CYP46A1: variants seen among roughly 807,000 people sequenced by gnomAD.
The protein encoded by CYP46A1 is cytochrome P450 family 46 subfamily A member 1, also known as cholesterol 24-hydroxylase.
Under a neutral mutation model 63.3 loss-of-function variants are expected in CYP46A1, and 20 were observed. The observed-to-expected ratio is 0.32, with a 90% CI of 0.22 to 0.46. The LOEUF (loss-of-function observed/expected upper bound fraction) is 0.46. CYP46A1 is among the 20% of genes least tolerant of loss of function. The pLI, the probability that CYP46A1 is intolerant of heterozygous loss-of-function variation, is 1.00. For synonymous variants in CYP46A1, 268 were observed against 273.6 expected, an observed-to-expected ratio of 0.98 and a Z score of 0.20; for missense variants, 445 against 670.8, an observed-to-expected ratio of 0.66 and a Z score of 3.72.
chr14:99,718,043 C>T lies in CYP46A1; in HGVS notation c.908-11C>T. 6.2e-7 allele frequency: 1 copy of T among 1,612,394 alleles called. No individual in the cohort carries two copies. Among genetic ancestry groups the T allele is most frequent in the Non-Finnish European group, 8.5e-7 (1 of 1,178,562 alleles). ...CCCATGTGGAGCAACCACCGTCCTCCCTTCCCACAGGTCACGAGACCTCTG... is the reference window on the plus strand; with the variant it reads ...CCCATGTGGAGCAACCACCGTCCTCTCTTCCCACAGGTCACGAGACCTCTG... On this transcript the variant is annotated splice_polypyrimidine_tract_variant and intron_variant, in intron 9 of 14. Transcript: ENST00000261835.
intron 9 of CYP46A1, among the ~76,000 whole-genome samples, chr14:99,716,609 C>A (rs1017049795): frequency 6.6e-6 from 1 of 152,254 alleles, no homozygotes; most frequent in African/African-American, 2.4e-5. Flanking sequence ...TGAGCCCTCG[C>A]ATGCCTCCTC....
intron 7 of CYP46A1, chr14:99,708,665 G>A (rs763736233): frequency 1.3e-5 from 2 of 155,222 alleles, no homozygotes; most frequent in Non-Finnish European, 2.9e-5. Context: ...ACTGTTGCCT[G>A]CACCCAAGCA....
At chr14:99,718,183 G>A in intron 10 of CYP46A1, 57 bp downstream of exon 10, 1 of 1,485,502 alleles carries the variant, frequency 6.7e-7, no homozygotes, top group Admixed American at 1.7e-5. Context: ...TTGTTCCTGA[G>A]GGCCACCTGC....
chr14:99,721,436 C>A (rs868743794), intron 11 of CYP46A1, 113 bp downstream of exon 11: 7 of 755,704 alleles, frequency 9.3e-6, no homozygotes, highest in Middle Eastern at 2.5e-4. Context: ...TGCATAGGGT[C>A]CTCCCCCGGA....
chr14:99,700,937 A>T (rs1447802106), intron 5 of CYP46A1, among the ~76,000 whole-genome samples: 1 of 152,194 alleles, frequency 6.6e-6, no homozygotes, highest in African/African-American at 2.4e-5. Flanking sequence ...GAAGGCAGTG[A>T]TATTGATGAT....
chr14:99,725,326 A>C lies in CYP46A1; in HGVS notation c.1177-65A>C. 1 of 1,352,584 alleles carries C rather than the reference A, an allele frequency of 7.4e-7. No individual in the cohort carries two copies. The highest frequency in any genetic ancestry group is 1.1e-6 in the Non-Finnish European group (1 of 944,688). The allele number at this position is 1,352,584 out of a possible 1,614,324, so 83.8% of individuals were successfully genotyped here. A position where few individuals can be genotyped will look rare whatever the true frequency, so the allele number is the denominator to read the frequency against. On this transcript the variant is annotated intron_variant, in intron 12 of 14. Transcript: ENST00000261835. This position sits in a 1 kb window ranked among gnomAD's most constrained non-coding sequence, Gnocchi z 4.2. ...CTGAGTAGCCCTGTTGGGTGGCCTC[A>C]GTGGCTCAAGAGGTGCCAGGGGAAC...
intron 3 of CYP46A1, among the ~76,000 whole-genome samples, chr14:99,693,947 T>C (rs2056564422): frequency 6.6e-6 from 1 of 152,176 alleles, no homozygotes; most frequent in Non-Finnish European, 1.5e-5. Context: ...TCATCTTCCC[T>C]AACTGAAACT....
At position 99,700,216 on chromosome 14, in the gene CYP46A1, G is replaced by A. The variant is rs542723394; in HGVS notation, c.443+115G>A. On this transcript the variant is annotated intron_variant, in intron 5 of 14. Transcript: ENST00000261835. ...CCACCCAAGGGGGCCTCCCTCAGCT[G>A]AAGGGAGAGAGGAAAAAGGGGAAAG... 127 of 616,512 alleles carry A rather than the reference G, an allele frequency of 2.1e-4. 2 individuals carry two copies. The highest frequency in any genetic ancestry group is 1.8e-3 in the South Asian group (75 of 41,118). The allele number at this position is 616,512 out of a possible 1,614,324, so 38.2% of individuals were successfully genotyped here.
intron 5 of CYP46A1, chr14:99,706,322 G>C (rs1224743278): frequency 4.2e-6 from 1 of 236,896 alleles, no homozygotes; most frequent in Non-Finnish European, 8.3e-6. Flanking sequence ...TGGACTGTAG[G>C]AGGCCCAAAG....
At chr14:99,687,247 TG>T (rs1239619266) in intron 1 of CYP46A1, among the ~76,000 whole-genome samples, 3 of 152,240 alleles carry the variant, frequency 2.0e-5, no homozygotes, top group Non-Finnish European at 4.4e-5. Flanking sequence ...TCTCTGTCAC[TG>T]TTCTAACTTC....
intron 9 of CYP46A1, among the ~76,000 whole-genome samples, chr14:99,717,315 C>T (rs117336572): frequency 2.8e-4 from 43 of 152,202 alleles, no homozygotes; most frequent in Non-Finnish European, 3.7e-4. Flanking sequence ...GGGGACTGGC[C>T]GAGGGCACGG....
chr14:99,699,330 T>C lies in CYP46A1; in HGVS notation c.283-136T>C, dbSNP rs955601321. 23 of 804,264 alleles carry C rather than the reference T, an allele frequency of 2.9e-5. No individual in the cohort carries two copies. The East Asian group carries it at 5.7e-4, about 20-fold the overall frequency. The allele number at this position is 804,264 out of a possible 1,614,324, so 49.8% of individuals were successfully genotyped here. On this transcript the variant is annotated intron_variant, in intron 3 of 14. Transcript: ENST00000261835. The stretch of plus-strand genomic sequence containing the variant: ...TTACTTGAAGATAGGGACGATTGTG[T>C]GGGATCATGCATGGGAAGTGGGCAC...
At chr14:99,686,705 C>A (rs1292008221) in intron 1 of CYP46A1, among the ~76,000 whole-genome samples, 2 of 152,194 alleles carry the variant, frequency 1.3e-5, no homozygotes, top group African/African-American at 4.8e-5. Flanking sequence ...TGGCTAAATT[C>A]TTCCCAAATC....
Position 99,725,582 on chromosome 14 carries a change from T to C in CYP46A1, c.1265+103T>C, listed in dbSNP as rs1430488579. 4 of 795,028 alleles carry C rather than the reference T, an allele frequency of 5.0e-6. No individual in the cohort carries two copies. The highest frequency in any genetic ancestry group is 8.6e-6 in the Non-Finnish European group (4 of 466,718). 49.2% of individuals were successfully genotyped at this position (795,028 alleles called of 1,614,324 possible). A position where few individuals can be genotyped will look rare whatever the true frequency, so the allele number is the denominator to read the frequency against. On this transcript the variant is annotated intron_variant, in intron 13 of 14. Transcript: ENST00000261835. This position sits in a 1 kb window ranked among gnomAD's most constrained non-coding sequence, Gnocchi z 4.2. ...AGGCACCCACTCAGCCCACATAGCCTTCCAGATCCCTGTGAGGTGGTTGTG... is the reference window on the plus strand; with the variant it reads ...AGGCACCCACTCAGCCCACATAGCCCTCCAGATCCCTGTGAGGTGGTTGTG...
rs74730047 is a variant in CYP46A1 at position 99,706,762 on chromosome 14, A to G, written c.559A>G (p.Thr187Ala). 6.2e-7 allele frequency: 1 copy of G among 1,613,102 alleles called. No homozygotes were observed. The highest frequency in any genetic ancestry group is 1.1e-5 in the South Asian group (1 of 91,022). Residue 187 changes from threonine to alanine, a missense_variant, in exon 6 of 15, where the codon ACC becomes GCC. Physicochemically the swap from Thr to Ala is moderately conservative, Grantham distance 58. Transcript: ENST00000261835. ...GTCCATGCAGGACATGCTGACCTAC[A>G]CCGCCATGGACATCCTGGCCAAGGT... Reference protein sequence around the residue: ...PVSMQDMLTYTAMDILAKAAF... With the variant: ...PVSMQDMLTYAAMDILAKAAF...
At chr14:99,707,846 G>C in intron 7 of CYP46A1, 168 bp downstream of exon 7, 1 of 594,816 alleles carries the variant, frequency 1.7e-6, no homozygotes, top group Non-Finnish European at 3.0e-6. Flanking sequence ...CTAAAGTAAA[G>C]GCTTAAAATC....
intron 12 of CYP46A1, among the ~76,000 whole-genome samples, chr14:99,723,439 G>C (rs772233121): frequency 2.0e-5 from 3 of 152,182 alleles, no homozygotes; most frequent in Non-Finnish European, 4.4e-5. Context: ...CTCCCGAGTA[G>C]CTGGGACTAC....
intron 3 of CYP46A1, among the ~76,000 whole-genome samples, chr14:99,698,528 G>A (rs1177947359): frequency 6.6e-6 from 1 of 152,180 alleles, no homozygotes; most frequent in African/African-American, 2.4e-5. Flanking sequence ...ACCGCAGGGT[G>A]CAGCTGTGCA....
chr14:99,703,932 T>A (rs1426251295), intron 5 of CYP46A1: 1 of 966,502 alleles, frequency 1.0e-6, no homozygotes, highest in African/African-American at 1.8e-5. Context: ...TAAGAAATAC[T>A]TATTGTGCCA....
Sources: gnomAD v4.1 joint callset for allele counts (sites outside exome capture counted in the v4.1 genomes callset) on GRCh38, gnomAD v4.1.1 for gene constraint, Gnocchi (gnomAD v3.1) non-coding constraint, MANE v1.5 for transcripts, NCBI Gene and HGNC (gene_info 2026-07-23, HGNC 2026-07-21) for gene names.